Variants in PRH1 observed in about 807,000 individuals in gnomAD.
PRH1 encodes the protein proline rich protein HaeIII subfamily 1, also known as salivary acidic proline-rich phosphoprotein 1/2.
A neutral mutation model predicts 7.9 loss-of-function variants in PRH1; 7 were observed. The observed-to-expected ratio is 0.89, with a 90% CI of 0.50 to 1.67. The LOEUF (loss-of-function observed/expected upper bound fraction) is 1.67, where lower values mean the gene tolerates loss of function less well. PRH1 is among the 40% of genes most tolerant of loss of function. PRH1 has a pLI of 0.00. For missense variants in PRH1, 109 were observed against 223.6 expected, an observed-to-expected ratio of 0.49 and a Z score of 3.27; for synonymous variants, 45 against 80.8, an observed-to-expected ratio of 0.56 and a Z score of 2.38.
At chr12:11,045,814 G>C (rs1007042316) in intron 1 of PRH1, among the ~76,000 whole-genome samples, 1 of 152,114 alleles carries the variant, frequency 6.6e-6, no homozygotes, top group African/African-American at 2.4e-5. Context: ...ATTAAATTCA[G>C]TGAGTTGATG....
At chr12:10,996,494 C>G (rs534216116) in intron 1 of PRH1, 1 of 152,432 alleles carries the variant, frequency 6.6e-6, no homozygotes, top group African/African-American at 2.4e-5. Context: ...ATACGTGATA[C>G]AAATTACAAC....
At chr12:11,165,057 T>C (rs7960823) in intron 1 of PRH1, among the ~76,000 whole-genome samples, 69,230 of 151,934 alleles carry the variant, frequency 0.46, 16,567 homozygotes, top group Non-Finnish European at 0.53. Flanking sequence ...TTAGAGTCAT[T>C]TGTTGTTGCA....
At chr12:11,066,427 T>C in intron 1 of PRH1, among the ~76,000 whole-genome samples, 1 of 151,998 alleles carries the variant, frequency 6.6e-6, no homozygotes. Context: ...AAACAAAGAT[T>C]AGTTTAAGCT....
At chr12:11,171,291 T>C (rs2136489928) in intron 1 of PRH1, 2 of 1,073,956 alleles carry the variant, frequency 1.9e-6, no homozygotes, top group Non-Finnish European at 2.4e-6. Flanking sequence ...CAGCCGTCGC[T>C]AGGAGGTCCG....
At chr12:10,926,678 T>C (rs1334996144) in intron 2 of PRH1, among the ~76,000 whole-genome samples, 1 of 152,134 alleles carries the variant, frequency 6.6e-6, no homozygotes, top group Non-Finnish European at 1.5e-5. Context: ...AACAAGCTTC[T>C]AGTAAAGATC....
intron 1 of PRH1, among the ~76,000 whole-genome samples, chr12:11,021,457 G>A: frequency 6.8e-6 from 1 of 147,414 alleles, no homozygotes; most frequent in East Asian, 1.9e-4. Context: ...ATAATTTATG[G>A]TCAACGTTGT....
At chr12:11,163,624 A>C (rs1021643370) in intron 1 of PRH1, among the ~76,000 whole-genome samples, 35 of 152,222 alleles carry the variant, frequency 2.3e-4, no homozygotes, top group African/African-American at 8.4e-4. Context: ...AGAAAAAAAG[A>C]AGTAAGAATA....
chr12:10,924,665 G>A (rs1369241178), intron 2 of PRH1, among the ~76,000 whole-genome samples: 3 of 152,136 alleles, frequency 2.0e-5, no homozygotes, highest in Non-Finnish European at 4.4e-5. Context: ...ATTAATTATT[G>A]CCTCAATTTC....
downstream of PRH1, among the ~76,000 whole-genome samples, chr12:11,119,263 G>A (rs992445240): frequency 6.6e-6 from 1 of 151,692 alleles, no homozygotes; most frequent in African/African-American, 2.4e-5. Context: ...GGTTAACAAA[G>A]GCTAGGAAAG....
chr12:10,980,021 A>G (rs1468842502), intron 1 of PRH1, among the ~76,000 whole-genome samples: 1 of 152,188 alleles, frequency 6.6e-6, no homozygotes, highest in African/African-American at 2.4e-5. Flanking sequence ...TAGAGAAAGG[A>G]TTCTGGAGAC....
chr12:10,910,700 T>G (rs954983868), intron 2 of PRH1, among the ~76,000 whole-genome samples: 1 of 152,158 alleles, frequency 6.6e-6, no homozygotes, highest in East Asian at 1.9e-4. Context: ...ACCAAAATTC[T>G]GAAAACGTGG....
intron 1 of PRH1, among the ~76,000 whole-genome samples, chr12:11,154,679 A>G (rs4763632): frequency 0.75 from 113,402 of 152,168 alleles, 44,763 homozygotes; most frequent in East Asian, 0.96. Flanking sequence ...GTCTAGGCAT[A>G]TTGACAACTC....
chr12:11,105,067 A>G (rs908504456), intron 1 of PRH1, among the ~76,000 whole-genome samples: 3 of 151,958 alleles, frequency 2.0e-5, no homozygotes, highest in African/African-American at 7.2e-5. Context: ...GTTATAAGTA[A>G]CTGTAATTAT....
chr12:10,939,087 T>C, intron 2 of PRH1: 1 of 1,613,942 alleles, frequency 6.2e-7, no homozygotes, highest in East Asian at 2.2e-5. Flanking sequence ...ACCGAAGAGA[T>C]CTTTCTTCCC....
At chr12:10,973,764 C>A in intron 1 of PRH1, 2 of 770,110 alleles carry the variant, frequency 2.6e-6, no homozygotes, top group Non-Finnish European at 4.8e-6. Context: ...ATTTTCAATT[C>A]ATCGGAGAGC....
At chr12:11,003,581 G>A (rs964094775) in intron 1 of PRH1, among the ~76,000 whole-genome samples, 3 of 151,190 alleles carry the variant, frequency 2.0e-5, no homozygotes, top group African/African-American at 7.3e-5. Flanking sequence ...CAAATTATAA[G>A]AATTATAAAA....
intron 1 of PRH1, among the ~76,000 whole-genome samples, chr12:11,043,036 T>C (rs1175118788): frequency 6.6e-6 from 1 of 152,024 alleles, no homozygotes; most frequent in African/African-American, 2.4e-5. Flanking sequence ...GATGCTAAAG[T>C]CTCAACAATA....
chr12:10,982,617 AT>A (rs1335771196), intron 1 of PRH1, among the ~76,000 whole-genome samples: 1 of 152,192 alleles, frequency 6.6e-6, no homozygotes, highest in Non-Finnish European at 1.5e-5. Flanking sequence ...TTTAATTGAC[AT>A]TTTGCAAAAC....
chr12:11,021,524 A>G (rs1363132285), intron 1 of PRH1: 1 of 532,160 alleles, frequency 1.9e-6, no homozygotes, highest in African/African-American at 2.7e-5. Context: ...TTTTCTAGGT[A>G]TCTGTTTTGA....
Sources: allele counts gnomAD v4.1 joint callset (sites outside exome capture counted in the v4.1 genomes callset), GRCh38; gene constraint gnomAD v4.1.1; transcripts MANE v1.5; gene names NCBI Gene and HGNC (gene_info 2026-07-23, HGNC 2026-07-21).